Variants in OAS3 observed in about 807,000 individuals in gnomAD.
OAS3 encodes the protein 2'-5'-oligoadenylate synthetase 3, also known as 2'-5'-oligoadenylate synthase 3.
A neutral mutation model predicts 113.0 loss-of-function variants in OAS3; 107 were observed. The ratio of observed to expected loss-of-function variants is 0.95; its 90% CI spans 0.81 to 1.11. The LOEUF is 1.11. OAS3 is among the 50% of genes most tolerant of loss of function. OAS3 has a pLI of 0.00. For synonymous variants in OAS3, 552 were observed against 573.6 expected (o/e 0.96, Z 0.54); for missense variants, 1,258 against 1,389.1 (o/e 0.91, Z 1.50).
In OAS3 at chr12:112,964,420, G is replaced by A. The variant is rs1477119480; in HGVS notation, c.2403+12G>A. 1 of 1,607,636 alleles carries A rather than the reference G, an allele frequency of 6.2e-7. No homozygotes were observed. The highest frequency in any genetic ancestry group is 1.1e-5 in the South Asian group (1 of 89,418). On this transcript the variant is annotated intron_variant, in intron 11 of 15. Coordinates refer to ENST00000228928, the MANE Select transcript of OAS3 (RefSeq NM_006187.4). ...TCAAGGTGGTCAAGGTGAGTCCTCA[G>A]AGAGCTGTAGGCAAGCAGTGTCCTG...
chr12:112,939,486 A>C (rs1457488807), intron 1 of OAS3, among the ~76,000 whole-genome samples: 1 of 152,040 alleles, frequency 6.6e-6, no homozygotes, highest in Non-Finnish European at 1.5e-5. Context: ...TGCCTGGCTA[A>C]TTATTTGCAT....
intron 1 of OAS3, among the ~76,000 whole-genome samples, chr12:112,941,260 A>C (rs1425887534): frequency 2.0e-5 from 3 of 151,718 alleles, no homozygotes; most frequent in Non-Finnish European, 4.4e-5. Flanking sequence ...CAACTACTTG[A>C]GAGGCTGAGG....
At position 112,965,976 on chromosome 12, in the gene OAS3, C is replaced by CCA; in HGVS notation, c.2636_2637insCA (p.Met880ArgfsTer18). ...CTGAGCTTCTCACTGACATCCCAGA[C>CCA]GATGCTGGACCAGAGTGTGGACTTT... On this transcript the variant is annotated frameshift_variant, in exon 12 of 16. Transcript: ENST00000228928. LOFTEE classifies it high-confidence loss of function. 6.2e-7 allele frequency: 1 copy of CCA among 1,614,062 alleles called. No homozygotes were observed. The highest frequency in any genetic ancestry group is 8.5e-7 in the Non-Finnish European group (1 of 1,179,898).
chr12:112,952,795 C>T (rs2043803197), intron 7 of OAS3, among the ~76,000 whole-genome samples: 2 of 152,082 alleles, frequency 1.3e-5, no homozygotes, highest in African/African-American at 4.8e-5. Context: ...GTCTTCTTAC[C>T]TGTTGTTGCT....
rs781561682 is a variant in OAS3, at chr12:112,948,009, G to C, written c.939G>C (p.Trp313Cys). 3 of 1,602,918 alleles carry C rather than the reference G, an allele frequency of 1.9e-6. No individual in the cohort carries two copies. Among genetic ancestry groups the C allele is most frequent in the Non-Finnish European group, 2.6e-6 (3 of 1,174,702 alleles). The change falls in exon 5 of 16, where the codon TGG becomes TGC. Residue 313 changes from tryptophan (W) to cysteine (C), a missense_variant. Physicochemically the swap from Trp to Cys is radical, Grantham distance 215 (BLOSUM62 -2). Transcript: ENST00000228928. ...TGGGGAATGGGGCAGCCTGGCACTG[G>C]GATTTGCTAGCCCAGGAGGCAGCAT... is the stretch of plus-strand genomic sequence containing the variant. ...WDLGNGAAWH[W>C]DLLAQEAASC...
At position 112,963,537 on chromosome 12, in the gene OAS3, A is replaced by G; in HGVS notation, c.2229+80A>G. On this transcript the variant is annotated intron_variant, in intron 10 of 15. Coordinates refer to ENST00000228928, the MANE Select transcript of OAS3 (RefSeq NM_006187.4). This position sits in a 1 kb window ranked among gnomAD's most constrained non-coding sequence, Gnocchi z 4.6. The stretch of plus-strand genomic sequence containing the variant: ...GTTCCCTTAACCTGCCGGTGCACCC[A>G]TCCCCAGCTGCTAGGAGTGTTGGTG... 7.5e-7 allele frequency: 1 copy of G among 1,337,224 alleles called. No individual in the cohort carries two copies. Among genetic ancestry groups the G allele is most frequent in the East Asian group, 2.9e-5 (1 of 34,834 alleles). 82.8% of individuals were successfully genotyped at this position (1,337,224 alleles called of 1,614,324 possible). A position where few individuals can be genotyped will look rare whatever the true frequency, so the allele number is the denominator to read the frequency against.
At chr12:112,966,091 T>C (rs1431930883) in intron 12 of OAS3, 62 bp downstream of exon 12, 22 of 1,554,002 alleles carry the variant, frequency 1.4e-5, no homozygotes, top group Non-Finnish European at 1.9e-5. Flanking sequence ...CCATGGGCAG[T>C]TGTAGAGGTT....
chr12:112,967,216 G>A (rs2043941700), intron 12 of OAS3, among the ~76,000 whole-genome samples: 1 of 152,206 alleles, frequency 6.6e-6, no homozygotes, highest in Non-Finnish European at 1.5e-5. Context: ...GCAGAAAAGG[G>A]AGGATGACTG....
intron 1 of OAS3, 38 bp downstream of exon 1, chr12:112,938,745 G>GCAAAGGA (rs397734704): frequency 6.9e-7 from 1 of 1,450,668 alleles, no homozygotes; most frequent in Non-Finnish European, 9.1e-7. Context: ...TGTCCAAAGG[G>GCAAAGGA]GAGTCCTGGG....
At chr12:112,944,311 C>T (rs1052816360) in intron 2 of OAS3, among the ~76,000 whole-genome samples, 165 bp from the exon 3 acceptor site, 8 of 152,214 alleles carry the variant, frequency 5.3e-5, no homozygotes, top group Non-Finnish European at 8.8e-5. Context: ...TCCTGAAAAG[C>T]TCCAGGCTCT....
chr12:112,965,775 G>A lies in OAS3; in HGVS notation c.2435G>A (p.Arg812Gln), dbSNP rs752197304. 2.2e-5 allele frequency: 36 copies of A among 1,612,904 alleles called. No individual in the cohort carries two copies. The highest frequency in any genetic ancestry group is 2.6e-5 in the Non-Finnish European group (31 of 1,179,832). Residue 812 changes from arginine (R) to glutamine (Q), a missense_variant, in exon 12 of 16, where the codon CGA (arginine) becomes CAA (glutamine). Transcript: ENST00000228928. ...TCTTCAGCCAAAGGCACAGCTCTGC[G>A]AGGCCGCTCAGATGCCGACCTCGTG... ...GGSSAKGTAL[R>Q]GRSDADLVVF...
At chr12:112,950,582 A>G in intron 6 of OAS3, 111 bp from the exon 7 acceptor site, 1 of 1,274,278 alleles carries the variant, frequency 7.8e-7, no homozygotes, top group Non-Finnish European at 1.1e-6. Flanking sequence ...CAGACCTGAC[A>G]TCAGCAAGAG....
chr12:112,965,677 T>A (rs927132304), intron 11 of OAS3, 67 bp from the exon 12 acceptor site: 1 of 1,470,442 alleles, frequency 6.8e-7, no homozygotes, highest in Admixed American at 2.0e-5. Context: ...GTTTTCTAAC[T>A]CACAGTCCAG....
At chr12:112,961,466 G>A (rs2043885215) in intron 8 of OAS3, among the ~76,000 whole-genome samples, 1 of 152,140 alleles carries the variant, frequency 6.6e-6, no homozygotes, top group Admixed American at 6.5e-5. Flanking sequence ...TTCATTTCTT[G>A]TACCTGGGGT....
chr12:112,964,118 G>A, intron 10 of OAS3, 117 bp from the exon 11 acceptor site: 1 of 1,092,234 alleles, frequency 9.2e-7, no homozygotes, highest in South Asian at 1.7e-5. Flanking sequence ...AGCTGAGAAG[G>A]AAAGAGGGAC....
At chr12:112,938,784 G>A in intron 1 of OAS3, 77 bp downstream of exon 1, 1 of 1,192,506 alleles carries the variant, frequency 8.4e-7, no homozygotes, top group Non-Finnish European at 1.1e-6. Flanking sequence ...ATAGGCTTAC[G>A]GTGGGGGTGG....
intron 7 of OAS3, among the ~76,000 whole-genome samples, chr12:112,958,268 G>A (rs935555496): frequency 6.6e-6 from 1 of 152,190 alleles, no homozygotes; most frequent in African/African-American, 2.4e-5. Flanking sequence ...TAGCTTCTTT[G>A]TGATAGGTTT....
intron 1 of OAS3, among the ~76,000 whole-genome samples, chr12:112,941,127 G>T (rs1030681696): frequency 3.3e-5 from 5 of 152,064 alleles, no homozygotes; most frequent in Non-Finnish European, 5.9e-5. Context: ...ATTCCAAGCT[G>T]CAGTGAGCTA....
chr12:112,953,728 C>T (rs2043811062), intron 7 of OAS3, among the ~76,000 whole-genome samples: 1 of 152,144 alleles, frequency 6.6e-6, no homozygotes, highest in South Asian at 2.1e-4. Context: ...TTGCATTTCT[C>T]TGATGGCCAG....
Sources: gnomAD v4.1 joint callset for allele counts (sites outside exome capture counted in the v4.1 genomes callset) on GRCh38, gnomAD v4.1.1 for gene constraint, Gnocchi (gnomAD v3.1) non-coding constraint, MANE v1.5 for transcripts, NCBI Gene and HGNC (gene_info 2026-07-23, HGNC 2026-07-21) for gene names.